TMCC1: variants seen among roughly 807,000 people sequenced by gnomAD.
TMCC1 encodes the protein transmembrane and coiled-coil domains protein 1.
In TMCC1, 15 loss-of-function variants were observed where a neutral mutation model predicts 52.4. That is an observed-to-expected ratio of 0.29 (90% CI 0.19 to 0.44). The LOEUF (loss-of-function observed/expected upper bound fraction) is 0.44. TMCC1 is among the 20% of genes least tolerant of loss of function. TMCC1 has a pLI of 1.00. For missense variants in TMCC1, 503 were observed against 806.0 expected (o/e 0.62, Z 4.55); for synonymous variants, 279 against 301.9 (o/e 0.92, Z 0.79).
chr3:129,764,937 G>A (rs1349843107), intron 4 of TMCC1, among the ~76,000 whole-genome samples: 1 of 149,596 alleles, frequency 6.7e-6, no homozygotes, highest in East Asian at 1.9e-4. Context: ...AAGTAGCTGG[G>A]ACCACAGGCA....
rs78979795 is a variant in TMCC1 at position 129,889,166 on chromosome 3, G to A, written c.-435+4328C>T. On this transcript the variant is annotated intron_variant, in intron 1 of 6. Transcript: ENST00000393238. Reference sequence around the variant, plus strand: ...ACACATCTCTGGGCCCAGCTACTCCGGACATTGAGGTCAGAGGATCACTTG... The same window carrying A: ...ACACATCTCTGGGCCCAGCTACTCCAGACATTGAGGTCAGAGGATCACTTG... 8.6e-3 allele frequency among the ~76,000 whole-genome samples: 1,311 copies of A among 152,138 alleles called. 40 individuals carry two copies. The highest frequency in any genetic ancestry group is 0.057 in the Admixed American group (876 of 15,262).
chr3:129,731,657 G>A (rs546696970), intron 4 of TMCC1, among the ~76,000 whole-genome samples: 32 of 151,704 alleles, frequency 2.1e-4, no homozygotes, highest in African/African-American at 4.9e-4. Context: ...TTAAACAGGC[G>A]TGAGCCACCG....
intron 4 of TMCC1, among the ~76,000 whole-genome samples, chr3:129,760,373 A>G (rs2053429646): frequency 6.7e-6 from 1 of 149,680 alleles, no homozygotes; most frequent in Non-Finnish European, 1.5e-5. Flanking sequence ...ACAGCTGGGA[A>G]CACAGCAGCG....
chr3:129,866,379 T>TATATA (rs1179417712), intron 2 of TMCC1, among the ~76,000 whole-genome samples: 1 of 119,318 alleles, frequency 8.4e-6, no homozygotes, highest in African/African-American at 3.3e-5. Flanking sequence ...TATATATATG[T>TATATA]TTTTTTTTTT....
chr3:129,668,503 T>C (rs1431731224), intron 5 of TMCC1, among the ~76,000 whole-genome samples: 2 of 152,248 alleles, frequency 1.3e-5, no homozygotes, highest in Non-Finnish European at 2.9e-5. Flanking sequence ...AACTGGAATT[T>C]GAACTTGGGA....
At chr3:129,761,990 C>A (rs993172354) in intron 4 of TMCC1, among the ~76,000 whole-genome samples, 1,507 of 75,904 alleles carry the variant, frequency 0.02, no homozygotes, top group Middle Eastern at 0.067. Flanking sequence ...GACTCTGTCT[C>A]AAAAAAAAAA....
intron 1 of TMCC1, among the ~76,000 whole-genome samples, chr3:129,885,960 C>T (rs1418616221): frequency 1.3e-5 from 2 of 152,088 alleles, no homozygotes; most frequent in Non-Finnish European, 2.9e-5. Context: ...CCAGGATGGT[C>T]TCGATCTCTT....
chr3:129,764,757 G>GTGTGTGTA (rs1311267538), intron 4 of TMCC1, among the ~76,000 whole-genome samples: 9 of 73,384 alleles, frequency 1.2e-4, no homozygotes, highest in African/African-American at 2.0e-4. Context: ...GTGTGTGTGT[G>GTGTGTGTA]TATATATATA....
chr3:129,670,950 C>T lies in TMCC1; in HGVS notation c.891G>A (p.Lys297=). 1 of 1,614,226 alleles carries T rather than the reference C, an allele frequency of 6.2e-7. No individual in the cohort carries two copies. The change falls in exon 5 of 7, where the codon AAG becomes AAA. Residue 297 remains lysine, a synonymous_variant. Transcript: ENST00000393238. ...GCTTCCTGTGGTAGTGCTCAAGTTT[C>T]TTTTGCAGCTGGAGGATAGTTTGGG... The part of the protein sequence containing the change: ...KSAQTILQLQ[K]KLEHYHRKLR...
At chr3:129,705,806 A>T (rs946680021) in intron 4 of TMCC1, among the ~76,000 whole-genome samples, 1 of 150,308 alleles carries the variant, frequency 6.7e-6, no homozygotes, top group African/African-American at 2.5e-5. Context: ...TTTAGCCAGG[A>T]TGGTCTCGAT....
intron 4 of TMCC1, among the ~76,000 whole-genome samples, chr3:129,689,118 G>A (rs569095526): frequency 1.3e-4 from 20 of 152,180 alleles, no homozygotes; most frequent in South Asian, 1.0e-3. Context: ...ATGAGTGAGA[G>A]AACAACTAGA....
At chr3:129,814,159 C>T (rs775081209) in intron 4 of TMCC1, among the ~76,000 whole-genome samples, 8 of 151,968 alleles carry the variant, frequency 5.3e-5, no homozygotes, top group Non-Finnish European at 8.8e-5. Flanking sequence ...AAGACCTGAG[C>T]GTAAGGTTTA....
intron 4 of TMCC1, among the ~76,000 whole-genome samples, chr3:129,722,858 G>A (rs984195796): frequency 6.6e-6 from 1 of 152,124 alleles, no homozygotes; most frequent in Non-Finnish European, 1.5e-5. Context: ...ACAGACCAGA[G>A]GCACAAATCT....
At chr3:129,688,695 T>TGC (rs2089591859) in intron 4 of TMCC1, 5 of 985,342 alleles carry the variant, frequency 5.1e-6, no homozygotes, top group Non-Finnish European at 6.0e-6. Flanking sequence ...TCCGTGTGTG[T>TGC]GCGCGCGCAC....
chr3:129,714,533 C>T (rs181976732), intron 4 of TMCC1, among the ~76,000 whole-genome samples: 158 of 152,054 alleles, frequency 1.0e-3, no homozygotes, highest in African/African-American at 3.4e-3. Context: ...AAAGGTAGGC[C>T]CATTTGGTAT....
chr3:129,886,379 A>G (rs1054813346), intron 1 of TMCC1, among the ~76,000 whole-genome samples: 5 of 152,226 alleles, frequency 3.3e-5, no homozygotes, highest in Non-Finnish European at 1.5e-5. Flanking sequence ...ATATGATAAT[A>G]AACTTATCAA....
intron 4 of TMCC1, among the ~76,000 whole-genome samples, chr3:129,741,500 C>G (rs770385090): frequency 3.3e-5 from 5 of 152,102 alleles, no homozygotes; most frequent in Non-Finnish European, 7.4e-5. Flanking sequence ...GGTCACACAC[C>G]TAATATAGAT....
chr3:129,719,722 T>C (rs1198885548), intron 4 of TMCC1, among the ~76,000 whole-genome samples: 3 of 152,190 alleles, frequency 2.0e-5, no homozygotes, highest in Admixed American at 1.3e-4. Flanking sequence ...GTTGAGAGGA[T>C]AGTGGGAGAA....
At chr3:129,681,472 T>A (rs1332589317) in intron 4 of TMCC1, among the ~76,000 whole-genome samples, 1 of 151,850 alleles carries the variant, frequency 6.6e-6, no homozygotes, top group Non-Finnish European at 1.5e-5. Flanking sequence ...AGTAGGGAAC[T>A]AACATTACCA....
Sources: gnomAD v4.1 joint callset for allele counts (sites outside exome capture counted in the v4.1 genomes callset) on GRCh38, gnomAD v4.1.1 for gene constraint, MANE v1.5 for transcripts, NCBI Gene and HGNC (gene_info 2026-07-23, HGNC 2026-07-21) for gene names.